ZFHX3: variants seen among roughly 807,000 people sequenced by gnomAD.
ZFHX3 encodes zinc finger homeobox 3.
ZFHX3 carries 42 observed loss-of-function variants against 279.1 expected under a neutral mutation model. That is an observed-to-expected ratio of 0.15 (90% CI 0.12 to 0.19). ZFHX3 has a LOEUF of 0.19. Ranked by LOEUF, ZFHX3 falls within the 10% of genes least tolerant of loss-of-function variation. The probability of loss-of-function intolerance (pLI) is 1.00; values close to 1 mark genes in which losing one functional copy is unlikely to be tolerated. For missense variants in ZFHX3, 4,981 were observed against 4,754.0 expected (o/e 1.05, Z -1.40); for synonymous variants, 2,293 against 1,957.8 (o/e 1.17, Z -4.52).
chr16:72,787,211 TG>T lies in ZFHX3; in HGVS notation c.11064del (p.Lys3689ArgfsTer5). ...PVEGPKDPSC[P>X]KDSGLTSVGT... Reference sequence around the variant, plus strand: ...CCTACACTGGTCAGACCACTGTCCTTGGGGCAGCTGGGGTCTTTGGGACCCT... The same window carrying T: ...CCTACACTGGTCAGACCACTGTCCTTGGGCAGCTGGGGTCTTTGGGACCCT... On this transcript the variant is annotated frameshift_variant, in exon 10 of 10. Transcript: ENST00000268489. LOFTEE classifies it high-confidence loss of function. The T allele has an allele frequency of 6.2e-7, 1 of 1,613,928 alleles. No individual in the cohort carries two copies. The highest frequency in any genetic ancestry group is 8.5e-7 in the Non-Finnish European group (1 of 1,179,910).
intron 3 of ZFHX3, among the ~76,000 whole-genome samples, chr16:72,898,065 G>T (rs2038941831): frequency 6.6e-6 from 1 of 152,216 alleles, no homozygotes; most frequent in Non-Finnish European, 1.5e-5. Flanking sequence ...TAATCAGTCA[G>T]ATCGCGTTAT....
At chr16:73,194,948 G>A (rs1968112781) in intron 5 of ZFHX3, among the ~76,000 whole-genome samples, 1 of 152,134 alleles carries the variant, frequency 6.6e-6, no homozygotes, top group South Asian at 2.1e-4. Context: ...GCAAGAACCT[G>A]AATCAAAAAA....
In ZFHX3 at chr16:72,958,102, A is replaced by G; in HGVS notation, c.2044T>C (p.Tyr682His). 6.2e-7 allele frequency: 1 copy of G among 1,614,104 alleles called. No individual in the cohort carries two copies. The highest frequency in any genetic ancestry group is 8.5e-7 in the Non-Finnish European group (1 of 1,180,006). ...KCPKCNWHYK[Y>H]QQTLEAHMKE... is the part of the protein sequence containing the mutation. ...ATGTGTGCCTCCAGGGTCTGCTGGT[A>G]CTTATAGTGCCAGTTGCACTTGGGG... is the stretch of plus-strand genomic sequence containing the variant. Residue 682 changes from tyrosine to histidine, a missense_variant, in exon 2 of 10, where the codon TAC becomes CAC. Physicochemically the swap from Tyr to His is moderately conservative, Grantham distance 83 (BLOSUM62 2). Around this residue, in one of 7 missense-constraint regions of ZFHX3, gnomAD observed 1,068 missense variants for 935.2 expected, o/e 1.14. Transcript: ENST00000268489.
chr16:73,096,294 G>A (rs1966162334), intron 7 of ZFHX3, among the ~76,000 whole-genome samples: 1 of 151,570 alleles, frequency 6.6e-6, no homozygotes, highest in Non-Finnish European at 1.5e-5. Context: ...CATGGTCTGG[G>A]AGCTCAGGGG....
chr16:73,074,308 G>C (rs1965859919), intron 8 of ZFHX3, among the ~76,000 whole-genome samples: 1 of 152,196 alleles, frequency 6.6e-6, no homozygotes, highest in African/African-American at 2.4e-5. Flanking sequence ...CTCATATTCA[G>C]CTCTCTGAGT....
chr16:73,747,888 C>A (rs1249108228), intron 1 of ZFHX3, among the ~76,000 whole-genome samples: 4 of 152,108 alleles, frequency 2.6e-5, no homozygotes, highest in African/African-American at 9.7e-5. Context: ...CTGGTAGTCA[C>A]CCTTTATTTC....
intron 4 of ZFHX3, among the ~76,000 whole-genome samples, chr16:73,293,560 C>A (rs2014827597): frequency 6.6e-6 from 1 of 152,192 alleles, no homozygotes. Flanking sequence ...TGAGAAGATT[C>A]CCCCATGGAT....
intron 1 of ZFHX3, among the ~76,000 whole-genome samples, chr16:73,831,071 A>C (rs1326117420): frequency 6.6e-6 from 1 of 152,228 alleles, no homozygotes; most frequent in Non-Finnish European, 1.5e-5. Flanking sequence ...AAGACCAAAG[A>C]GAAGGCCAAT....
At chr16:73,704,187 G>A (rs747982132) in intron 1 of ZFHX3, among the ~76,000 whole-genome samples, 2 of 151,890 alleles carry the variant, frequency 1.3e-5, no homozygotes, top group African/African-American at 4.8e-5. Context: ...AGCACTCTTT[G>A]GTCACTTCTA....
intron 5 of ZFHX3, among the ~76,000 whole-genome samples, chr16:73,250,336 A>C (rs1352815346): frequency 6.6e-6 from 1 of 152,174 alleles, no homozygotes; most frequent in Non-Finnish European, 1.5e-5. Context: ...CTGAAACAAG[A>C]TGTTATCAAT....
chr16:73,489,538 G>A (rs1164651525), intron 2 of ZFHX3, among the ~76,000 whole-genome samples: 3 of 152,180 alleles, frequency 2.0e-5, no homozygotes, highest in Admixed American at 6.5e-5. Flanking sequence ...ATTACCTGAT[G>A]CATTAGATCC....
chr16:73,690,077 G>A (rs1031915846), intron 1 of ZFHX3, among the ~76,000 whole-genome samples: 4 of 152,090 alleles, frequency 2.6e-5, no homozygotes, highest in African/African-American at 9.7e-5. Context: ...CACACGTCTG[G>A]CTAATTTTTT....
At chr16:73,115,086 G>A (rs1597161981) in intron 7 of ZFHX3, among the ~76,000 whole-genome samples, 1 of 152,128 alleles carries the variant, frequency 6.6e-6, no homozygotes, top group Non-Finnish European at 1.5e-5. Context: ...AATTCTTGGG[G>A]TAGCCAATGT....
intron 1 of ZFHX3, among the ~76,000 whole-genome samples, chr16:73,785,568 C>G (rs1489599507): frequency 6.6e-6 from 1 of 152,146 alleles, no homozygotes; most frequent in Non-Finnish European, 1.5e-5. Context: ...ATCACCTATT[C>G]CCTGAATACT....
At chr16:73,405,103 C>A (rs966391328) in intron 3 of ZFHX3, among the ~76,000 whole-genome samples, 1 of 152,116 alleles carries the variant, frequency 6.6e-6, no homozygotes, top group Admixed American at 6.5e-5. Flanking sequence ...CTAGATAACT[C>A]AGGAAGGAAA....
chr16:73,544,313 A>G (rs942909144), intron 2 of ZFHX3, among the ~76,000 whole-genome samples: 6 of 152,174 alleles, frequency 3.9e-5, no homozygotes, highest in African/African-American at 1.4e-4. Context: ...AATGCATCAG[A>G]GCACAGTCTC....
At chr16:73,837,010 TTC>T (rs1961160175) in intron 1 of ZFHX3, among the ~76,000 whole-genome samples, 1 of 152,220 alleles carries the variant, frequency 6.6e-6, no homozygotes, top group South Asian at 2.1e-4. Context: ...GATGCCATGG[TTC>T]TTGGACTTCC....
Position 73,320,669 on chromosome 16 carries a change from C to A in ZFHX3, c.-1290-2333G>T, listed in dbSNP as rs55656211. Among the ~76,000 whole-genome samples the A allele has an allele frequency of 5.8e-3, 878 of 152,188 alleles. 9 individuals carry two copies. Among genetic ancestry groups the A allele is most frequent in the African/African-American group, 0.02 (840 of 41,512 alleles). Reference sequence around the variant, plus strand: ...AAGCACTGCTGTGGCACACATGAGACAGCCAGAAGTCTCTGGGCTCTGTCA... The same window carrying A: ...AAGCACTGCTGTGGCACACATGAGAAAGCCAGAAGTCTCTGGGCTCTGTCA... On this transcript the variant is annotated intron_variant, in intron 3 of 17. Transcript: ENST00000641206.
intron 2 of ZFHX3, among the ~76,000 whole-genome samples, chr16:73,678,745 C>T (rs980636318): frequency 2.0e-5 from 3 of 152,130 alleles, no homozygotes; most frequent in Non-Finnish European, 1.5e-5. Flanking sequence ...TGTATATATT[C>T]GCTCTGTGCA....
Sources: gnomAD v4.1 joint callset for allele counts (sites outside exome capture counted in the v4.1 genomes callset) on GRCh38, gnomAD v4.1.1 for gene constraint, gnomAD v4.1.1 regional missense constraint, MANE v1.5 for transcripts, NCBI Gene and HGNC (gene_info 2026-07-23, HGNC 2026-07-21) for gene names.